HCFC1: variants seen among roughly 807,000 people sequenced by gnomAD.
HCFC1 encodes host cell factor C1.
HCFC1 carries 7 observed loss-of-function variants against 105.5 expected under a neutral mutation model. That is an observed-to-expected ratio of 0.07 (90% confidence interval 0.04 to 0.12). HCFC1 has a LOEUF of 0.12. HCFC1 is among the 10% of genes least tolerant of loss of function. HCFC1 has a pLI of 1.00. For synonymous variants in HCFC1, 918 were observed against 828.1 expected, an observed-to-expected ratio of 1.11 and a Z score of -1.86; for missense variants, 1,065 against 1,823.6, an observed-to-expected ratio of 0.58 and a Z score of 7.58.
In HCFC1 at chrX:153,954,470, G is replaced by A. The variant is rs1557113810; in HGVS notation, c.3929C>T (p.Ala1310Val). The A allele has an allele frequency of 8.3e-7, 1 of 1,211,704 alleles. No homozygotes were observed. Among genetic ancestry groups the A allele is most frequent in the East Asian group, 3.0e-5 (1 of 33,813 alleles). Residue 1310 changes from alanine (A) to valine (V), a missense_variant, in exon 17 of 26, where the codon GCA (alanine) becomes GTA (valine). By Grantham distance (64) the Ala-to-Val change is moderately conservative. Coordinates refer to ENST00000310441, the MANE Select transcript of HCFC1 (RefSeq NM_005334.3). ...GTTNTATTSN[A>V]GSAQRVCSNP... ...GGAGCACACCCTCTGGGCGCTGCCTGCATTCGAGGTAGTGGCGGTGTTGGT... is the reference window on the plus strand; with the variant it reads ...GGAGCACACCCTCTGGGCGCTGCCTACATTCGAGGTAGTGGCGGTGTTGGT...
chrX:153,964,098 T>G, intron 3 of HCFC1, 26 bp downstream of exon 3: 1 of 1,154,215 alleles, frequency 8.7e-7, no homozygotes, highest in Non-Finnish European at 1.2e-6. Flanking sequence ...ACCCGGGGGG[T>G]TCCAGAGAAA....
At position 153,971,088 on chromosome X, in the gene HCFC1, G is replaced by A; in HGVS notation, c.-248C>T. The A allele has an allele frequency of 2.8e-6, 1 of 357,505 alleles. No individual in the cohort carries two copies. The highest frequency in any genetic ancestry group is 5.8e-5 in the Admixed American group (1 of 17,101). 29.5% of individuals were successfully genotyped at this position (357,505 alleles called of 1,213,427 possible). On this transcript the variant is annotated 5_prime_UTR_variant, in exon 1 of 26. Coordinates refer to ENST00000310441, the MANE Select transcript of HCFC1 (RefSeq NM_005334.3). ...GTCGAGCGCCTAGGCTCAAGAAGCT[G>A]GAGGCCGCTGAGTCCCGTCGCCCCG... is the stretch of plus-strand genomic sequence containing the variant.
Position 153,947,640 on chromosome X carries a change from C to T in HCFC1, c.*1707G>A, listed in dbSNP as rs887002837. The T allele has an allele frequency of 1.8e-5, 2 of 112,211 alleles. No homozygotes were observed. The highest frequency in any genetic ancestry group is 6.5e-5 in the African/African-American group (2 of 30,824). The allele number at this position is 112,211 out of a possible 1,213,427, so 9.2% of individuals were successfully genotyped here. On this transcript the variant is annotated 3_prime_UTR_variant, in exon 26 of 26. Coordinates refer to ENST00000310441, the MANE Select transcript of HCFC1 (RefSeq NM_005334.3). ...GTAATATTGAGTCACAGGGGTTACT[C>T]TACAATAGTGAACGGTGTACTCTCC...
At chrX:153,956,077 C>A in intron 16 of HCFC1, 114 bp downstream of exon 16, 2 of 691,427 alleles carry the variant, frequency 2.9e-6, no homozygotes, top group Non-Finnish European at 4.4e-6. Context: ...ATGGCTGCAC[C>A]CGGCAGCAGC....
intron 4 of HCFC1, 124 bp downstream of exon 4, chrX:153,963,101 C>A (rs1159568010): frequency 3.7e-6 from 2 of 536,154 alleles, no homozygotes; most frequent in Non-Finnish European, 6.4e-6. Flanking sequence ...GAGGAAAGCA[C>A]GAAGTGGTAT....
At chrX:153,969,552 G>A (rs1171152579) in intron 1 of HCFC1, among the ~76,000 whole-genome samples, 2 of 112,900 alleles carry the variant, frequency 1.8e-5, no homozygotes, top group Admixed American at 1.9e-4. Context: ...CAGTCAGTAG[G>A]CAACTTGGGA....
Position 153,957,307 on chromosome X carries a change from C to T in HCFC1, c.2353+7G>A. ...GCAGACACTCATATGTCGGGGGAGGCCCCTACCCGTGGCGCCCGCCTGGGT... is the reference window on the plus strand; with the variant it reads ...GCAGACACTCATATGTCGGGGGAGGTCCCTACCCGTGGCGCCCGCCTGGGT... On this transcript the variant is annotated splice_region_variant and intron_variant, in intron 13 of 25. Transcript: ENST00000310441. The T allele has an allele frequency of 2.5e-6, 3 of 1,184,207 alleles. No homozygotes were observed. The highest frequency in any genetic ancestry group is 1.7e-5 in the African/African-American group (1 of 57,529).
rs1292817861 is a variant in HCFC1 at position 153,947,611 on chromosome X, T to C, written c.*1736A>G. 1.8e-5 allele frequency: 2 copies of C among 112,049 alleles called. No homozygotes were observed. The highest frequency in any genetic ancestry group is 3.8e-5 in the Non-Finnish European group (2 of 53,116). 9.2% of individuals were successfully genotyped at this position (112,049 alleles called of 1,213,427 possible). A position where few individuals can be genotyped will look rare whatever the true frequency, so the allele number is the denominator to read the frequency against. ...AAAATAGCACAAAACGACATCGCACTATGGTAATATTGAGTCACAGGGGTT... is the reference window on the plus strand; with the variant it reads ...AAAATAGCACAAAACGACATCGCACCATGGTAATATTGAGTCACAGGGGTT... On this transcript the variant is annotated 3_prime_UTR_variant, in exon 26 of 26. Transcript: ENST00000310441.
In HCFC1 at chrX:153,957,540, G is replaced by A; in HGVS notation, c.2134-7C>T. 8.6e-7 allele frequency: 1 copy of A among 1,160,375 alleles called. No homozygotes were observed. Among genetic ancestry groups the A allele is most frequent in the Non-Finnish European group, 1.2e-6 (1 of 854,287 alleles). ...CTGGCAGGGGCCCTTTGGTCTGAAA[G>A]GGGGAAGCAGGTGCATGAGCCGGCA... is the stretch of plus-strand genomic sequence containing the variant. On this transcript the variant is annotated splice_region_variant and splice_polypyrimidine_tract_variant and intron_variant, in intron 12 of 25. Coordinates refer to ENST00000310441, the MANE Select transcript of HCFC1 (RefSeq NM_005334.3).
intron 2 of HCFC1, 77 bp downstream of exon 2, chrX:153,964,501 T>G (rs1557117842): frequency 1.9e-6 from 2 of 1,066,278 alleles, no homozygotes; most frequent in African/African-American, 3.8e-5. Context: ...CACCTCCCGC[T>G]TGCCTCAACC....
Position 153,959,998 on chromosome X carries a change from C to T in HCFC1, c.1248G>A (p.Pro416=), listed in dbSNP as rs1360389542. 5.8e-6 allele frequency: 7 copies of T among 1,209,460 alleles called. No homozygotes were observed. The highest frequency in any genetic ancestry group is 6.7e-6 in the Non-Finnish European group (6 of 894,889). ...AATATSPTPN[P]VPSVPANPPK... ...GAGGGTTGGCAGGCACAGATGGGACCGGATTGGGTGTAGGGGAGGTGGCAG... is the reference window on the plus strand; with the variant it reads ...GAGGGTTGGCAGGCACAGATGGGACTGGATTGGGTGTAGGGGAGGTGGCAG... Residue 416 remains proline (P), a synonymous_variant, in exon 8 of 26, where the codon CCG becomes CCA. Transcript: ENST00000310441.
In HCFC1 at chrX:153,958,583, A is replaced by C. The variant is rs2148584632; in HGVS notation, c.1789T>G (p.Ser597Ala). 1.7e-6 allele frequency: 2 copies of C among 1,201,078 alleles called. No homozygotes were observed. The highest frequency in any genetic ancestry group is 2.2e-6 in the Non-Finnish European group (2 of 888,930). Reference sequence around the variant, plus strand: ...AAGACGCTCACCATGACTGGCGAGGAGGCCACCTTCACAGTGGCTGGGAGG... The same window carrying C: ...AAGACGCTCACCATGACTGGCGAGGCGGCCACCTTCACAGTGGCTGGGAGG... ...TTLPATVKVA[S>A]SPVMVSNPAT... The change falls in exon 10 of 26, where the codon TCC becomes GCC. Residue 597 changes from serine to alanine, a missense_variant. By Grantham distance (99) the Ser-to-Ala change is moderately conservative. Around this residue, in one of 17 missense-constraint regions of HCFC1, gnomAD observed 137 missense variants for 378.2 expected, o/e 0.36. Transcript: ENST00000310441.
Position 153,962,413 on chromosome X carries a change from T to G in HCFC1, c.713-107A>C, listed in dbSNP as rs2065438207. ...GTAGGATCTGTCTCAGTGAGAGAATTCCATCCCTGGCTTCCCTATAGCCTA... is the reference window on the plus strand; with the variant it reads ...GTAGGATCTGTCTCAGTGAGAGAATGCCATCCCTGGCTTCCCTATAGCCTA... On this transcript the variant is annotated intron_variant, in intron 4 of 25. Transcript: ENST00000310441. 9.1e-6 allele frequency: 5 copies of G among 551,698 alleles called. No homozygotes were observed. In the East Asian group the frequency reaches 1.8e-4, roughly 20 times the overall value. The allele number at this position is 551,698 out of a possible 1,213,427, so 45.5% of individuals were successfully genotyped here.
rs1048267564 is a variant in HCFC1 at position 153,964,118 on chromosome X, C to T, written c.503+6G>A. ...GGGGGTTCCAGAGAAAAGGACCAAG[C>T]CTCACCTTGGAATGTTGTTCTTTGG... is the stretch of plus-strand genomic sequence containing the variant. On this transcript the variant is annotated splice_donor_region_variant and intron_variant, in intron 3 of 25. Coordinates refer to ENST00000310441, the MANE Select transcript of HCFC1 (RefSeq NM_005334.3). The T allele has an allele frequency of 2.5e-6, 3 of 1,192,433 alleles. No individual in the cohort carries two copies. The highest frequency in any genetic ancestry group is 4.5e-5 in the Admixed American group (2 of 44,681).
intron 6 of HCFC1, among the ~76,000 whole-genome samples, 175 bp from the exon 7 acceptor site, chrX:153,960,589 A>T (rs782283536): frequency 8.9e-6 from 1 of 112,570 alleles, no homozygotes; most frequent in Non-Finnish European, 1.9e-5. Flanking sequence ...CAACACAAAA[A>T]ATAAAATTAC....
chrX:153,959,126 G>A (rs1557115990), intron 9 of HCFC1, among the ~76,000 whole-genome samples: 2 of 113,208 alleles, frequency 1.8e-5, no homozygotes, highest in African/African-American at 6.4e-5. Context: ...TTAGGATCAG[G>A]CAGCAGGTTA....
Position 153,952,659 on chromosome X carries a change from G to A in HCFC1, c.4797C>T (p.Thr1599=), listed in dbSNP as rs1557112923. Residue 1599 remains threonine (T), a synonymous_variant, in exon 19 of 26, where the codon ACC becomes ACT. Coordinates refer to ENST00000310441, the MANE Select transcript of HCFC1 (RefSeq NM_005334.3). ...TGAGCCCCGTTACCATGAGGGTGGT[G>A]GTGCCAGCTTGGGCCTCGGCCATTA... The part of the protein sequence containing the change: ...QELMAEAQAG[T]TTLMVTGLTP... 1 of 1,210,660 alleles carries A rather than the reference G, an allele frequency of 8.3e-7. No individual in the cohort carries two copies. Among genetic ancestry groups the A allele is most frequent in the Non-Finnish European group, 1.1e-6 (1 of 895,172 alleles).
intron 9 of HCFC1, among the ~76,000 whole-genome samples, 176 bp downstream of exon 9, chrX:153,959,155 C>CT (rs1557116001): frequency 8.8e-6 from 1 of 113,066 alleles, no homozygotes; most frequent in African/African-American, 3.2e-5. Flanking sequence ...AGGCATTAAC[C>CT]TATTAATTCC....
In HCFC1 at chrX:153,955,142, C is replaced by T. The variant is rs2065362050; in HGVS notation, c.3257G>A (p.Gly1086Asp). Residue 1086 changes from glycine (G) to aspartate (D), a missense_variant, in exon 17 of 26, where the codon GGC becomes GAC. Physicochemically the swap from Gly to Asp is moderately conservative, Grantham distance 94 (BLOSUM62 -1). Coordinates refer to ENST00000310441, the MANE Select transcript of HCFC1 (RefSeq NM_005334.3). Reference protein sequence around the residue: ...SNPPCETHETGTTNTATTATS... With the variant: ...SNPPCETHETDTTNTATTATS... ...GGCGGTGGTGGCGGTGTTGGTGGTGCCCGTCTCGTGGGTCTCGCAGGGCGG... is the reference window on the plus strand; with the variant it reads ...GGCGGTGGTGGCGGTGTTGGTGGTGTCCGTCTCGTGGGTCTCGCAGGGCGG... 1 of 1,209,629 alleles carries T rather than the reference C, an allele frequency of 8.3e-7. No individual in the cohort carries two copies. Among genetic ancestry groups the T allele is most frequent in the Non-Finnish European group, 1.1e-6 (1 of 894,983 alleles).
Sources: allele counts gnomAD v4.1 joint callset (sites outside exome capture counted in the v4.1 genomes callset), GRCh38; gene constraint gnomAD v4.1.1; regional missense constraint gnomAD v4.1.1; transcripts MANE v1.5; gene names NCBI Gene and HGNC (gene_info 2026-07-23, HGNC 2026-07-21).